Variants in TRAK1 observed in about 807,000 individuals in gnomAD.
TRAK1 encodes the protein trafficking kinesin-binding protein 1.
A neutral mutation model predicts 92.1 loss-of-function variants in TRAK1; 33 were observed. The ratio of observed to expected loss-of-function variants is 0.36; its 90% CI spans 0.27 to 0.48. The LOEUF (loss-of-function observed/expected upper bound fraction) is 0.48. TRAK1 is among the 20% of genes least tolerant of loss of function. The pLI, the probability that TRAK1 is intolerant of heterozygous loss-of-function variation, is 0.99. For missense variants in TRAK1, 1,123 were observed against 1,257.9 expected (o/e 0.89, Z 1.62); for synonymous variants, 521 against 517.3 (o/e 1.01, Z -0.10).
At chr3:42,120,611 C>T (rs753601527) in intron 1 of TRAK1, among the ~76,000 whole-genome samples, 5 of 152,040 alleles carry the variant, frequency 3.3e-5, no homozygotes, top group Non-Finnish European at 7.4e-5. Flanking sequence ...GGTGTGATCT[C>T]AGCTCACTGC....
At chr3:42,099,151 G>C (rs1706371594) in intron 1 of TRAK1, among the ~76,000 whole-genome samples, 1 of 152,142 alleles carries the variant, frequency 6.6e-6, no homozygotes, top group Non-Finnish European at 1.5e-5. Flanking sequence ...AGACTTGAGA[G>C]CTGGGGAGTC....
intron 1 of TRAK1, among the ~76,000 whole-genome samples, chr3:42,092,711 G>GTGTTATGTTATGTTA (rs71078412): frequency 0.016 from 1,588 of 101,066 alleles, 31 homozygotes; most frequent in African/African-American, 0.039. Context: ...GTGTTGTGTT[G>GTGTTATGTTATGTTA]TGTTATGTTA....
At chr3:42,125,883 C>CA (rs1476238617) in intron 2 of TRAK1, among the ~76,000 whole-genome samples, 32 of 152,290 alleles carry the variant, frequency 2.1e-4, no homozygotes, top group Admixed American at 1.1e-3. Context: ...TGGAGTCTAG[C>CA]TCTCTTGCCC....
chr3:42,023,115 G>A (rs577189918), intron 1 of TRAK1, among the ~76,000 whole-genome samples: 7 of 127,050 alleles, frequency 5.5e-5, no homozygotes, highest in Non-Finnish European at 1.1e-4. Flanking sequence ...CCGAGATTGC[G>A]CCACTACACT....
At chr3:42,094,012 C>T (rs377543718) in intron 1 of TRAK1, among the ~76,000 whole-genome samples, 1 of 151,780 alleles carries the variant, frequency 6.6e-6, no homozygotes, top group Non-Finnish European at 1.5e-5. Context: ...CCGAAACAAG[C>T]TTTTCATGTA....
At chr3:42,114,229 G>A (rs912020712) in intron 1 of TRAK1, among the ~76,000 whole-genome samples, 41 of 152,210 alleles carry the variant, frequency 2.7e-4, no homozygotes, top group Non-Finnish European at 5.6e-4. Flanking sequence ...TTCATCTGCT[G>A]ATGGGTGTTA....
upstream of TRAK1, among the ~76,000 whole-genome samples, chr3:42,085,831 T>C (rs1704644128): frequency 6.6e-6 from 1 of 152,222 alleles, no homozygotes; most frequent in Admixed American, 6.5e-5. Flanking sequence ...AATTGAAACA[T>C]AAGATGTAAA....
At chr3:42,032,792 G>T (rs1270019944) in intron 1 of TRAK1, among the ~76,000 whole-genome samples, 1 of 152,184 alleles carries the variant, frequency 6.6e-6, no homozygotes, top group Non-Finnish European at 1.5e-5. Context: ...GCATAGCGGT[G>T]CGTGCCTGTC....
intron 1 of TRAK1, among the ~76,000 whole-genome samples, chr3:42,045,507 C>T (rs1208848877): frequency 6.6e-6 from 1 of 152,184 alleles, no homozygotes; most frequent in Non-Finnish European, 1.5e-5. Flanking sequence ...TACACTCTAG[C>T]TTGGGCGACA....
chr3:42,035,916 C>T (rs531077803), intron 1 of TRAK1, among the ~76,000 whole-genome samples: 1 of 152,358 alleles, frequency 6.6e-6, no homozygotes, highest in East Asian at 1.9e-4. Context: ...TGCTTCTCTG[C>T]ACAGCCTGTT....
At chr3:42,110,811 G>T (rs1273272156) in intron 1 of TRAK1, among the ~76,000 whole-genome samples, 4 of 152,238 alleles carry the variant, frequency 2.6e-5, no homozygotes, top group African/African-American at 9.6e-5. Flanking sequence ...GCTCTGCTCA[G>T]TGTTTGTGAG....
At chr3:42,121,895 G>A (rs1421366633) in intron 1 of TRAK1, among the ~76,000 whole-genome samples, 1 of 151,996 alleles carries the variant, frequency 6.6e-6, no homozygotes, top group East Asian at 1.9e-4. Flanking sequence ...TTGGCTTACT[G>A]TAACTTCTGC....
rs371843104 is a variant in TRAK1, at chr3:42,189,065, G to A, written c.631G>A (p.Asp211Asn). 3.1e-6 allele frequency: 5 copies of A among 1,614,190 alleles called. No individual in the cohort carries two copies. Among genetic ancestry groups the A allele is most frequent in the Non-Finnish European group, 4.2e-6 (5 of 1,180,030 alleles). ...SSSVQNYFHLDSLQKKLKDLE... is the reference protein window; with the variant it reads ...SSSVQNYFHLNSLQKKLKDLE... Reference sequence around the variant, plus strand: ...CTCAGTCCAGAATTACTTTCATTTGGATTCTCTTCAAAAGAAGCTGAAAGA... The same window carrying A: ...CTCAGTCCAGAATTACTTTCATTTGAATTCTCTTCAAAAGAAGCTGAAAGA... The change falls in exon 6 of 16, where the codon GAT becomes AAT. Residue 211 changes from aspartate to asparagine, a missense_variant. By Grantham distance (23) the Asp-to-Asn change is conservative. Coordinates refer to ENST00000327628, the MANE Select transcript of TRAK1 (RefSeq NM_001042646.3).
At chr3:42,072,044 T>C (rs914118671) in intron 1 of TRAK1, among the ~76,000 whole-genome samples, 2 of 152,198 alleles carry the variant, frequency 1.3e-5, no homozygotes, top group Non-Finnish European at 2.9e-5. Flanking sequence ...GCATGTAATA[T>C]CCTGCTGGGA....
chr3:42,158,985 TAATA>T (rs1700908559), intron 2 of TRAK1, among the ~76,000 whole-genome samples: 2 of 147,234 alleles, frequency 1.4e-5, no homozygotes, highest in Admixed American at 6.8e-5. Flanking sequence ...ATAATAATAA[TAATA>T]ATAATAATAA....
intron 1 of TRAK1, among the ~76,000 whole-genome samples, chr3:42,068,681 A>G (rs1349214415): frequency 6.6e-6 from 1 of 152,218 alleles, no homozygotes; most frequent in African/African-American, 2.4e-5. Context: ...TTGTAGGACA[A>G]TACCTATTGA....
At chr3:42,068,035 A>T (rs140174701) in intron 1 of TRAK1, among the ~76,000 whole-genome samples, 66 of 151,864 alleles carry the variant, frequency 4.3e-4, no homozygotes, top group Admixed American at 1.1e-3. Context: ...GCCGGGCGTG[A>T]TGGTGGGTGC....
At chr3:42,172,325 G>A (rs535233165) in intron 2 of TRAK1, among the ~76,000 whole-genome samples, 2 of 152,144 alleles carry the variant, frequency 1.3e-5, no homozygotes, top group Non-Finnish European at 2.9e-5. Context: ...TGCCCATCTT[G>A]AAAGGGGACA....
At chr3:42,097,011 G>A (rs1273638241) in intron 1 of TRAK1, among the ~76,000 whole-genome samples, 1 of 152,162 alleles carries the variant, frequency 6.6e-6, no homozygotes, top group African/African-American at 2.4e-5. Context: ...TTCCAAAAAT[G>A]TTCTGTGCAT....
Sources: gnomAD v4.1 joint callset for allele counts (sites outside exome capture counted in the v4.1 genomes callset) on GRCh38, gnomAD v4.1.1 for gene constraint, MANE v1.5 for transcripts, NCBI Gene and HGNC (gene_info 2026-07-23, HGNC 2026-07-21) for gene names.